Variants in NPBWR2 observed in about 807,000 individuals in gnomAD.
The protein encoded by NPBWR2 is neuropeptides B and W receptor 2, also known as neuropeptides B/W receptor type 2.
For synonymous variants in NPBWR2, 207 were observed against 223.5 expected (o/e 0.93, Z 0.66); for missense variants, 390 against 458.2 (o/e 0.85, Z 1.36).
In NPBWR2 at chr20:64,104,844, T is replaced by C. The variant is rs1979904916; in HGVS notation, c.*986A>G. 7.6e-6 allele frequency among the ~76,000 whole-genome samples: 1 copy of C among 131,550 alleles called. No individual in the cohort carries two copies. Among genetic ancestry groups the C allele is most frequent in the Non-Finnish European group, 1.6e-5 (1 of 63,422 alleles). The allele number at this position is 131,550 out of a possible 152,430, so 86.3% of individuals were successfully genotyped here. On this transcript the variant is annotated 3_prime_UTR_variant, in exon 2 of 2. Coordinates refer to ENST00000684052, the MANE Select transcript of NPBWR2 (RefSeq NM_005286.4). ...GGGGGGTACAGGGGAGCACAGGCCA[T>C]GGAGAGGACCGTCGGACACAGCAGG... is the stretch of plus-strand genomic sequence containing the variant.
chr20:64,105,759 A>ATGATGGGGGTGATGATGGGGG lies in NPBWR2; in HGVS notation c.*70_*71insCCCCCATCATCACCCCCATCA. On this transcript the variant is annotated 3_prime_UTR_variant, in exon 2 of 2. Coordinates refer to ENST00000684052, the MANE Select transcript of NPBWR2 (RefSeq NM_005286.4). ...TGGGCCTGATGGGGGTGTGGGCATG[A>ATGATGGGGGTGATGATGGGGG]TGATGATGGGCGTGATGATGATGGG... 4 of 1,032,856 alleles carry ATGATGGGGGTGATGATGGGGG rather than the reference A, an allele frequency of 3.9e-6. No individual in the cohort carries two copies. Among genetic ancestry groups the ATGATGGGGGTGATGATGGGGG allele is most frequent in the South Asian group, 3.3e-5 (2 of 59,814 alleles). The allele number at this position is 1,032,856 out of a possible 1,614,324, so 64.0% of individuals were successfully genotyped here. A position where few individuals can be genotyped will look rare whatever the true frequency, so the allele number is the denominator to read the frequency against.
Position 64,106,517 on chromosome 20 carries a change from G to C in NPBWR2, c.315C>G (p.His105Gln). The change falls in exon 2 of 2, where the codon CAC (histidine) becomes CAG (glutamine). Residue 105 changes from histidine (H) to glutamine (Q), a missense_variant. Transcript: ENST00000684052. The surrounding 1 kb of genome is among the most constrained non-coding windows in gnomAD (Gnocchi z 9.5). ...TLVLPVNIAE[H>Q]LLQYWPFGEL... is the part of the protein sequence containing the mutation. Reference sequence around the variant, plus strand: ...CCCCGAAGGGCCAGTACTGCAGCAGGTGCTCCGCGATGTTGACGGGCAGTA... The same window carrying C: ...CCCCGAAGGGCCAGTACTGCAGCAGCTGCTCCGCGATGTTGACGGGCAGTA... 1 of 1,612,444 alleles carries C rather than the reference G, an allele frequency of 6.2e-7. No individual in the cohort carries two copies. The highest frequency in any genetic ancestry group is 8.5e-7 in the Non-Finnish European group (1 of 1,179,972).
rs953999720 is a variant in NPBWR2 at position 64,105,937 on chromosome 20, A to T, written c.895T>A (p.Tyr299Asn). 6 of 1,612,892 alleles carry T rather than the reference A, an allele frequency of 3.7e-6. No homozygotes were observed. Among genetic ancestry groups the T allele is most frequent in the Non-Finnish European group, 5.1e-6 (6 of 1,179,856 alleles). ...GCGTAGCTGAGGCTGGTGATGACGTAGGACATACTGATGACCAGTGGGGTC... is the reference window on the plus strand; with the variant it reads ...GCGTAGCTGAGGCTGGTGATGACGTTGGACATACTGATGACCAGTGGGGTC... ...PQTPLVISMSYVITSLSYANS... is the reference protein window; with the variant it reads ...PQTPLVISMSNVITSLSYANS... Residue 299 changes from tyrosine (Y) to asparagine (N), a missense_variant, in exon 2 of 2, where the codon TAC (tyrosine) becomes AAC (asparagine). By Grantham distance (143) the Tyr-to-Asn change is moderately radical (BLOSUM62 -2). Coordinates refer to ENST00000684052, the MANE Select transcript of NPBWR2 (RefSeq NM_005286.4).
chr20:64,105,688 T>TGATGGG lies in NPBWR2; in HGVS notation c.*141_*142insCCCATC. 1 of 307,400 alleles carries TGATGGG rather than the reference T, an allele frequency of 3.3e-6. No individual in the cohort carries two copies. Among genetic ancestry groups the TGATGGG allele is most frequent in the Non-Finnish European group, 5.5e-6 (1 of 181,146 alleles). 19.0% of individuals were successfully genotyped at this position (307,400 alleles called of 1,614,324 possible). On this transcript the variant is annotated 3_prime_UTR_variant, in exon 2 of 2. Transcript: ENST00000684052. Reference sequence around the variant, plus strand: ...ATGATGATGGGCGTGATGATGGGGGTGGTGGTGGGGGTGATGGTGGGGGTG... The same window carrying TGATGGG: ...ATGATGATGGGCGTGATGATGGGGGTGATGGGGGTGGTGGGGGTGATGGTGGGGGTG...
rs1250050145 is a variant in NPBWR2 at position 64,105,756 on chromosome 20, ATGATGATGATGGGCG to A, written c.*59_*73del. The stretch of plus-strand genomic sequence containing the variant: ...GGGTGGGCCTGATGGGGGTGTGGGC[ATGATGATGATGGGCG>A]TGATGATGATGGGGGGTGATGATGG... On this transcript the variant is annotated 3_prime_UTR_variant, in exon 2 of 2. Transcript: ENST00000684052. 72 of 978,574 alleles carry A rather than the reference ATGATGATGATGGGCG, an allele frequency of 7.4e-5. No individual in the cohort carries two copies. The highest frequency in any genetic ancestry group is 9.2e-5 in the Non-Finnish European group (67 of 726,464). The allele number at this position is 978,574 out of a possible 1,614,324, so 60.6% of individuals were successfully genotyped here.
At position 64,106,766 on chromosome 20, in the gene NPBWR2, A is replaced by C; in HGVS notation, c.66T>G (p.Gly22=). The change falls in exon 2 of 2, where the codon GGT becomes GGG. Residue 22 remains glycine (G), a synonymous_variant. Transcript: ENST00000684052. The surrounding 1 kb of genome is among the most constrained non-coding windows in gnomAD (Gnocchi z 9.5). ...TGCCATTGTCCTGAGAGACGTTGGC[A>C]CCCATCGTGGGGAGGGAGAAGGAGC... ...SRGSFSLPTM[G]ANVSQDNGTG... The C allele has an allele frequency of 6.2e-7, 1 of 1,612,548 alleles. No individual in the cohort carries two copies. Among genetic ancestry groups the C allele is most frequent in the Non-Finnish European group, 8.5e-7 (1 of 1,179,934 alleles).
Position 64,105,792 on chromosome 20 carries a change from GAT to G in NPBWR2, c.*36_*37del, listed in dbSNP as rs1980000051. The G allele has an allele frequency of 7.3e-7, 1 of 1,377,948 alleles. No homozygotes were observed. 85.4% of individuals were successfully genotyped at this position (1,377,948 alleles called of 1,614,324 possible). ...GGGCGTGATGATGATGGGGGGTGAT[GAT>G]GGGCATGATGATGGGGGTGATGGTG... On this transcript the variant is annotated 3_prime_UTR_variant, in exon 2 of 2. Coordinates refer to ENST00000684052, the MANE Select transcript of NPBWR2 (RefSeq NM_005286.4).
In NPBWR2 at chr20:64,107,472, C is replaced by T. The variant is rs555878646; in HGVS notation, c.-200G>A. On this transcript the variant is annotated 5_prime_UTR_variant, in exon 1 of 2. Transcript: ENST00000684052. This position sits in a 1 kb window ranked among gnomAD's most constrained non-coding sequence, Gnocchi z 6.3. ...GCGAGGTGTGGTCCTCACTGACAGA[C>T]CTCCAGCTGAGGTTTCAGGAGTTTC... is the stretch of plus-strand genomic sequence containing the variant. Among the ~76,000 whole-genome samples the T allele has an allele frequency of 6.6e-6, 1 of 152,330 alleles. No individual in the cohort carries two copies. Among genetic ancestry groups the T allele is most frequent in the African/African-American group, 2.4e-5 (1 of 41,578 alleles).
Position 64,105,798 on chromosome 20 carries a change from C to T in NPBWR2, c.*32G>A. Reference sequence around the variant, plus strand: ...GATGATGATGGGGGGTGATGATGGGCATGATGATGGGGGTGATGGTGCCCA... The same window carrying T: ...GATGATGATGGGGGGTGATGATGGGTATGATGATGGGGGTGATGGTGCCCA... On this transcript the variant is annotated 3_prime_UTR_variant, in exon 2 of 2. Transcript: ENST00000684052. 7 of 1,124,842 alleles carry T rather than the reference C, an allele frequency of 6.2e-6. No individual in the cohort carries two copies. Among genetic ancestry groups the T allele is most frequent in the Non-Finnish European group, 8.6e-6 (7 of 815,022 alleles). 69.7% of individuals were successfully genotyped at this position (1,124,842 alleles called of 1,614,324 possible). A position where few individuals can be genotyped will look rare whatever the true frequency, so the allele number is the denominator to read the frequency against.
rs1979856527 is a variant in NPBWR2, at chr20:64,103,805, G to A, written c.*2025C>T. Among the ~76,000 whole-genome samples the A allele has an allele frequency of 1.3e-5, 2 of 152,280 alleles. No homozygotes were observed. On this transcript the variant is annotated 3_prime_UTR_variant, in exon 2 of 2. Transcript: ENST00000684052. ...AGTAGAAGTTGTCTTAAGCGGCTAA[G>A]TTTTGGAGAAATTTGTTATTCAGCA...
chr20:64,106,220 G>C lies in NPBWR2; in HGVS notation c.612C>G (p.Pro204=), dbSNP rs548325567. 19 of 1,612,576 alleles carry C rather than the reference G, an allele frequency of 1.2e-5. No homozygotes were observed. In the Admixed American group the frequency reaches 2.3e-4, roughly 20 times the overall value. The stretch of plus-strand genomic sequence containing the variant: ...GGCTGGCCTTGAACCAGACCTGCTC[G>C]GGCCACGGGAAGCTCAGCCCACAGC... ...VPSCGLSFPW[P]EQVWFKASRV... The change falls in exon 2 of 2, where the codon CCC becomes CCG. Residue 204 remains proline (P), a synonymous_variant. Coordinates refer to ENST00000684052, the MANE Select transcript of NPBWR2 (RefSeq NM_005286.4). The surrounding 1 kb of genome is among the most constrained non-coding windows in gnomAD (Gnocchi z 9.5).
chr20:64,106,626 A>G lies in NPBWR2; in HGVS notation c.206T>C (p.Val69Ala), dbSNP rs769422117. The G allele has an allele frequency of 1.9e-6, 3 of 1,612,382 alleles. No homozygotes were observed. The highest frequency in any genetic ancestry group is 2.5e-6 in the Non-Finnish European group (3 of 1,180,004). ...GLTGNTAVILVILRAPKMKTV... is the reference protein window; with the variant it reads ...GLTGNTAVILAILRAPKMKTV... ...CTTCATCTTGGGCGCCCTTAGGATT[A>G]CAAGGATGACGGCCGTGTTGCCAGT... Residue 69 changes from valine (V) to alanine (A), a missense_variant, in exon 2 of 2, where the codon GTA (valine) becomes GCA (alanine). By Grantham distance (64) the Val-to-Ala change is moderately conservative. Coordinates refer to ENST00000684052, the MANE Select transcript of NPBWR2 (RefSeq NM_005286.4). The surrounding 1 kb of genome is among the most constrained non-coding windows in gnomAD (Gnocchi z 9.5).
In NPBWR2 at chr20:64,106,360, G is replaced by A. The variant is rs979684676; in HGVS notation, c.472C>T (p.Arg158Cys). ...GCGACCTTCGCCCCCCGGTAGGTGC[G>A]CCAGGGCATGTGGCGGGACCTCACG... ...ATVRSRHMPW[R>C]TYRGAKVASL... Residue 158 changes from arginine to cysteine, a missense_variant, in exon 2 of 2, where the codon CGC becomes TGC. Transcript: ENST00000684052. The surrounding 1 kb of genome is among the most constrained non-coding windows in gnomAD (Gnocchi z 9.5). 1.1e-5 allele frequency: 17 copies of A among 1,612,734 alleles called. No homozygotes were observed. Among genetic ancestry groups the A allele is most frequent in the African/African-American group, 1.3e-5 (1 of 75,050 alleles).
Position 64,106,614 on chromosome 20 carries a change from G to A in NPBWR2, c.218C>T (p.Ala73Val), listed in dbSNP as rs140373421. The A allele has an allele frequency of 2.8e-3, 4,501 of 1,612,024 alleles. 16 individuals carry two copies. Among genetic ancestry groups the A allele is most frequent in the Non-Finnish European group, 3.3e-3 (3,912 of 1,179,958 alleles). Residue 73 changes from alanine to valine, a missense_variant, in exon 2 of 2, where the codon GCG (alanine) becomes GTG (valine). Coordinates refer to ENST00000684052, the MANE Select transcript of NPBWR2 (RefSeq NM_005286.4). The surrounding 1 kb of genome is among the most constrained non-coding windows in gnomAD (Gnocchi z 9.5). ...GTTGGTCACCGTCTTCATCTTGGGCGCCCTTAGGATTACAAGGATGACGGC... is the reference window on the plus strand; with the variant it reads ...GTTGGTCACCGTCTTCATCTTGGGCACCCTTAGGATTACAAGGATGACGGC... ...NTAVILVILR[A>V]PKMKTVTNVF...
Position 64,103,916 on chromosome 20 carries a change from C to T in NPBWR2, c.*1914G>A, listed in dbSNP as rs1257243449. Among the ~76,000 whole-genome samples, 1 of 152,238 alleles carries T rather than the reference C, an allele frequency of 6.6e-6. No individual in the cohort carries two copies. The highest frequency in any genetic ancestry group is 2.1e-4 in the South Asian group (1 of 4,832). On this transcript the variant is annotated 3_prime_UTR_variant, in exon 2 of 2. Transcript: ENST00000684052. ...TTGGCTGGCTAGCACGGAGGAGGGGCACTGCTGCAGGCCTGAGCCGAGTGG... is the reference window on the plus strand; with the variant it reads ...TTGGCTGGCTAGCACGGAGGAGGGGTACTGCTGCAGGCCTGAGCCGAGTGG...
chr20:64,105,735 GGGCCTGAT>G lies in NPBWR2; in HGVS notation c.*87_*94del. 1.3e-6 allele frequency: 1 copy of G among 770,556 alleles called. No individual in the cohort carries two copies. Among genetic ancestry groups the G allele is most frequent in the Non-Finnish European group, 1.9e-6 (1 of 540,498 alleles). 47.7% of individuals were successfully genotyped at this position (770,556 alleles called of 1,614,324 possible). A position where few individuals can be genotyped will look rare whatever the true frequency, so the allele number is the denominator to read the frequency against. ...GGTGGTGGTGGGGGTGGGGGGGGGT[GGGCCTGAT>G]GGGGGTGTGGGCATGATGATGATGG... is the stretch of plus-strand genomic sequence containing the variant. On this transcript the variant is annotated 3_prime_UTR_variant, in exon 2 of 2. Transcript: ENST00000684052.
rs111903824 is a variant in NPBWR2 at position 64,105,797 on chromosome 20, G to C, written c.*33C>G. The C allele has an allele frequency of 2.6e-6, 3 of 1,138,050 alleles. 1 individual carries two copies. Among genetic ancestry groups the C allele is most frequent in the Non-Finnish European group, 3.7e-6 (3 of 820,482 alleles). 70.5% of individuals were successfully genotyped at this position (1,138,050 alleles called of 1,614,324 possible). A position where few individuals can be genotyped will look rare whatever the true frequency, so the allele number is the denominator to read the frequency against. ...TGATGATGATGGGGGGTGATGATGGGCATGATGATGGGGGTGATGGTGCCC... is the reference window on the plus strand; with the variant it reads ...TGATGATGATGGGGGGTGATGATGGCCATGATGATGGGGGTGATGGTGCCC... On this transcript the variant is annotated 3_prime_UTR_variant, in exon 2 of 2. Transcript: ENST00000684052.
In NPBWR2 at chr20:64,104,552, A is replaced by G. The variant is rs1979887975; in HGVS notation, c.*1278T>C. ...ACACAGCAGGGGGGCACAGGGGAGC[A>G]CAGGCCATGGTGAGGACTGTCGGCC... On this transcript the variant is annotated 3_prime_UTR_variant, in exon 2 of 2. Coordinates refer to ENST00000684052, the MANE Select transcript of NPBWR2 (RefSeq NM_005286.4). Among the ~76,000 whole-genome samples, 1 of 144,662 alleles carries G rather than the reference A, an allele frequency of 6.9e-6. No homozygotes were observed. Among genetic ancestry groups the G allele is most frequent in the Non-Finnish European group, 1.5e-5 (1 of 66,232 alleles). 94.9% of individuals were successfully genotyped at this position (144,662 alleles called of 152,430 possible).
rs1979912151 is a variant in NPBWR2, at chr20:64,104,933, T to C, written c.*897A>G. Among the ~76,000 whole-genome samples, 1 of 150,274 alleles carries C rather than the reference T, an allele frequency of 6.7e-6. No homozygotes were observed. The highest frequency in any genetic ancestry group is 2.1e-4 in the South Asian group (1 of 4,734). On this transcript the variant is annotated 3_prime_UTR_variant, in exon 2 of 2. Coordinates refer to ENST00000684052, the MANE Select transcript of NPBWR2 (RefSeq NM_005286.4). The stretch of plus-strand genomic sequence containing the variant: ...GACACAGCAGGGCGGGTACAGGCCA[T>C]GGCAAGGACCGTCGGCCACAGCAGG...
Sources: allele counts gnomAD v4.1 joint callset (sites outside exome capture counted in the v4.1 genomes callset), GRCh38; gene constraint gnomAD v4.1.1; non-coding constraint Gnocchi (gnomAD v3.1); transcripts MANE v1.5; gene names NCBI Gene and HGNC (gene_info 2026-07-23, HGNC 2026-07-21).